Variants in CDKL3 observed in about 807,000 individuals in gnomAD.
CDKL3 encodes cyclin dependent kinase like 3.
CDKL3 carries 65 observed loss-of-function variants against 69.3 expected under a neutral mutation model. The observed-to-expected ratio is 0.94, with a 90% CI of 0.77 to 1.15. The LOEUF is 1.15. CDKL3 is among the 50% of genes most tolerant of loss of function. CDKL3 has a pLI of 0.00. For missense variants in CDKL3, 652 were observed against 689.2 expected, an observed-to-expected ratio of 0.95 and a Z score of 0.61; for synonymous variants, 202 against 221.6, an observed-to-expected ratio of 0.91 and a Z score of 0.79.
At chr5:134,341,287 T>G (rs1049247264) in intron 4 of CDKL3, among the ~76,000 whole-genome samples, 2 of 152,334 alleles carry the variant, frequency 1.3e-5, no homozygotes, top group African/African-American at 2.4e-5. Flanking sequence ...CAAGGATGTC[T>G]GCTCTTGCCA....
intron 4 of CDKL3, among the ~76,000 whole-genome samples, chr5:134,347,458 T>C (rs1752189554): frequency 6.6e-6 from 1 of 152,030 alleles, no homozygotes; most frequent in Non-Finnish European, 1.5e-5. Context: ...CGGACACCCA[T>C]AGCAGCATTA....
At chr5:134,366,135 T>A (rs60276727) in intron 2 of CDKL3, among the ~76,000 whole-genome samples, 43 of 152,338 alleles carry the variant, frequency 2.8e-4, no homozygotes, top group African/African-American at 1.0e-3. Context: ...TACTTGAATA[T>A]TTCTGAATAA....
At chr5:134,320,860 C>T (rs1287365444) in intron 5 of CDKL3, among the ~76,000 whole-genome samples, 4 of 147,570 alleles carry the variant, frequency 2.7e-5, no homozygotes, top group East Asian at 2.0e-4. Context: ...GGTGACAGAG[C>T]GAGACTCCCT....
At chr5:134,318,494 T>C (rs958464945) in intron 6 of CDKL3, among the ~76,000 whole-genome samples, 5 of 152,090 alleles carry the variant, frequency 3.3e-5, no homozygotes, top group African/African-American at 1.2e-4. Context: ...TGTTTGTTTG[T>C]TGTTTTTTTG....
At chr5:134,361,952 G>C (rs998331902) in intron 2 of CDKL3, among the ~76,000 whole-genome samples, 1 of 152,194 alleles carries the variant, frequency 6.6e-6, no homozygotes, top group South Asian at 2.1e-4. Context: ...CTCTACTTAA[G>C]GAAAATTACT....
Position 134,325,149 on chromosome 5 carries a change from G to A in CDKL3, c.540-3246C>T, listed in dbSNP as rs113873859. The stretch of plus-strand genomic sequence containing the variant: ...GCCATGAGTATGCCACTGTACTTCA[G>A]CCTGTGAGACAGAATGCGACACTGT... On this transcript the variant is annotated intron_variant, in intron 4 of 12. Transcript: ENST00000265334. Among the ~76,000 whole-genome samples the A allele has an allele frequency of 5.1e-3, 769 of 152,274 alleles. 2 individuals carry two copies. Among genetic ancestry groups the A allele is most frequent in the African/African-American group, 0.018 (738 of 41,560 alleles).
Position 134,308,167 on chromosome 5 carries a change from G to C in CDKL3, c.1335C>G (p.Leu445=). ...CACTGGGGTGAAAGAGATTTGAACT[G>C]AGATTTGCAGCCATCAAATTACTGT... is the stretch of plus-strand genomic sequence containing the variant. ...LTNSNLMAAN[L]SSNLFHPSVR... Residue 445 remains leucine (L), a synonymous_variant, in exon 9 of 13, where the codon CTC becomes CTG. Transcript: ENST00000265334. 6.2e-7 allele frequency: 1 copy of C among 1,613,412 alleles called. No homozygotes were observed. Among genetic ancestry groups the C allele is most frequent in the Non-Finnish European group, 8.5e-7 (1 of 1,179,574 alleles).
chr5:134,304,718 T>A (rs193102252), intron 10 of CDKL3, among the ~76,000 whole-genome samples, 151 bp from the exon 11 acceptor site: 4 of 151,862 alleles, frequency 2.6e-5, no homozygotes, highest in Admixed American at 2.0e-4. Flanking sequence ...CTATTGAACA[T>A]ATCAACAGAT....
chr5:134,351,809 T>C (rs1753375993), intron 3 of CDKL3, among the ~76,000 whole-genome samples: 1 of 152,158 alleles, frequency 6.6e-6, no homozygotes, highest in Admixed American at 6.6e-5. Flanking sequence ...TAAAATTGTA[T>C]ATATCATGTA....
At position 134,339,795 on chromosome 5, in the gene CDKL3, T is replaced by C. The variant is rs113750136; in HGVS notation, c.539+10454A>G. Among the ~76,000 whole-genome samples, 749 of 152,296 alleles carry C rather than the reference T, an allele frequency of 4.9e-3. 2 individuals are homozygous for C. Among genetic ancestry groups the C allele is most frequent in the African/African-American group, 0.017 (718 of 41,554 alleles). ...TTTTGGAAATTTACAAATATGTGGA[T>C]ATTAAACTACATTTGACGAAATAAC... On this transcript the variant is annotated intron_variant, in intron 4 of 12. Coordinates refer to ENST00000265334, the MANE Select transcript of CDKL3 (RefSeq NM_001113575.2).
chr5:134,284,039 C>A (rs1764742423), downstream of CDKL3, among the ~76,000 whole-genome samples: 1 of 152,140 alleles, frequency 6.6e-6, no homozygotes. Flanking sequence ...TTCCCATGGT[C>A]ATGGGAAGCT....
At chr5:134,299,559 C>A in intron 12 of CDKL3, 2 of 1,238,608 alleles carry the variant, frequency 1.6e-6, no homozygotes, top group Non-Finnish European at 2.1e-6. Flanking sequence ...GGTGAATGTA[C>A]ATATAACTAA....
At chr5:134,343,786 G>A (rs1216928315) in intron 4 of CDKL3, among the ~76,000 whole-genome samples, 2 of 152,134 alleles carry the variant, frequency 1.3e-5, no homozygotes, top group African/African-American at 2.4e-5. Flanking sequence ...AGAACTCCCA[G>A]CTCACTGGCC....
intron 11 of CDKL3, 141 bp from the exon 12 acceptor site, chr5:134,302,828 T>C: frequency 1.9e-6 from 1 of 538,768 alleles, no homozygotes; most frequent in African/African-American, 2.0e-5. Context: ...TTATGAGTTG[T>C]AATGGTAAAA....
chr5:134,365,547 T>C (rs1346860739), intron 2 of CDKL3, among the ~76,000 whole-genome samples: 1 of 152,196 alleles, frequency 6.6e-6, no homozygotes, highest in Non-Finnish European at 1.5e-5. Flanking sequence ...CTAACAGACC[T>C]ATTTTTACTC....
chr5:134,348,293 A>G (rs961882449), intron 4 of CDKL3, among the ~76,000 whole-genome samples: 3 of 152,210 alleles, frequency 2.0e-5, no homozygotes, highest in African/African-American at 7.2e-5. Context: ...GGAAGGGAGC[A>G]TGTTACAACT....
At chr5:134,321,640 T>G (rs1772823484) in intron 5 of CDKL3, 151 bp downstream of exon 5, 1 of 524,200 alleles carries the variant, frequency 1.9e-6, no homozygotes, top group East Asian at 3.2e-5. Context: ...TCTGCCTTCT[T>G]TATCAGCCCA....
At chr5:134,291,552 A>G (rs1765124647) in intron 8 of CDKL3, among the ~76,000 whole-genome samples, 1 of 152,204 alleles carries the variant, frequency 6.6e-6, no homozygotes, top group South Asian at 2.1e-4. Context: ...AGGCAGATAG[A>G]TCACCTGAGG....
intron 12 of CDKL3, chr5:134,299,404 A>G (rs561515651): frequency 1.1e-4 from 85 of 788,758 alleles, no homozygotes; most frequent in Non-Finnish European, 1.4e-4. Context: ...TATGATTGAA[A>G]TAATAGGTGA....
Sources: allele counts gnomAD v4.1 joint callset (sites outside exome capture counted in the v4.1 genomes callset), GRCh38; gene constraint gnomAD v4.1.1; transcripts MANE v1.5; gene names NCBI Gene and HGNC (gene_info 2026-07-23, HGNC 2026-07-21).